Variants in ST6GALNAC3 observed in about 807,000 individuals in gnomAD.
ST6GALNAC3 encodes alpha-N-acetylgalactosaminide alpha-2,6-sialyltransferase 3.
Under a neutral mutation model 32.7 loss-of-function variants are expected in ST6GALNAC3, and 25 were observed. That is an observed-to-expected ratio of 0.76 (90% confidence interval 0.56 to 1.07). The LOEUF (loss-of-function observed/expected upper bound fraction) is 1.07. Ranked by LOEUF, ST6GALNAC3 falls within the 50% of genes least tolerant of loss-of-function variation. The pLI is 0.00. For missense variants in ST6GALNAC3, 355 were observed against 382.4 expected, an observed-to-expected ratio of 0.93 and a Z score of 0.60; for synonymous variants, 129 against 133.1, an observed-to-expected ratio of 0.97 and a Z score of 0.21.
chr1:76,361,422 C>T (rs1322493168), intron 2 of ST6GALNAC3, among the ~76,000 whole-genome samples: 1 of 152,106 alleles, frequency 6.6e-6, no homozygotes, highest in Non-Finnish European at 1.5e-5. Context: ...CTCCTATTTC[C>T]CATATAATAT....
At chr1:76,143,437 G>A (rs1046228118) in intron 1 of ST6GALNAC3, among the ~76,000 whole-genome samples, 2 of 148,964 alleles carry the variant, frequency 1.3e-5, no homozygotes, top group Admixed American at 1.3e-4. Context: ...GTCTGTGTGT[G>A]CATGTATTTG....
In ST6GALNAC3 at chr1:76,113,391, G is replaced by T. The variant is rs1256616258; in HGVS notation, c.18+38507G>T. Reference sequence around the variant, plus strand: ...GGGAGGCCAAATGGCATTGTTATGGGGTCTTATCTGCAAACGCAGAACTCC... The same window carrying T: ...GGGAGGCCAAATGGCATTGTTATGGTGTCTTATCTGCAAACGCAGAACTCC... On this transcript the variant is annotated intron_variant, in intron 1 of 4. Transcript: ENST00000328299. 7.9e-5 allele frequency among the ~76,000 whole-genome samples: 12 copies of T among 151,540 alleles called. No homozygotes were observed. In the East Asian group the frequency reaches 2.3e-3, roughly 30 times the overall value.
intron 1 of ST6GALNAC3, among the ~76,000 whole-genome samples, chr1:76,264,366 A>G (rs1302186952): frequency 2.0e-5 from 3 of 152,144 alleles, no homozygotes; most frequent in Non-Finnish European, 1.5e-5. Flanking sequence ...AGGTGTTATT[A>G]GTTTAAACCT....
At chr1:76,452,619 G>A (rs1189311489) in intron 3 of ST6GALNAC3, among the ~76,000 whole-genome samples, 1 of 152,158 alleles carries the variant, frequency 6.6e-6, no homozygotes, top group African/African-American at 2.4e-5. Flanking sequence ...TGCATCCCTG[G>A]TATGGAACCC....
At chr1:76,392,706 C>T (rs937952727) in intron 2 of ST6GALNAC3, among the ~76,000 whole-genome samples, 4 of 152,160 alleles carry the variant, frequency 2.6e-5, no homozygotes, top group African/African-American at 9.7e-5. Context: ...GTGGCAATGT[C>T]ATCCAATTCA....
At chr1:76,423,259 T>C (rs191075212) in intron 3 of ST6GALNAC3, among the ~76,000 whole-genome samples, 1 of 152,108 alleles carries the variant, frequency 6.6e-6, no homozygotes, top group Admixed American at 6.6e-5. Context: ...CTAGGAAGTA[T>C]ATCTACAAAC....
At chr1:76,367,293 C>G (rs1297313914) in intron 2 of ST6GALNAC3, among the ~76,000 whole-genome samples, 1 of 151,910 alleles carries the variant, frequency 6.6e-6, no homozygotes, top group Non-Finnish European at 1.5e-5. Context: ...CAGGCATGGA[C>G]CTATAATGGT....
rs1431727778 is a variant in ST6GALNAC3, at chr1:76,416,622, G to GTTTTTT, written c.623+4209_623+4210insTTTTTT. 5.0e-5 allele frequency among the ~76,000 whole-genome samples: 5 copies of GTTTTTT among 99,870 alleles called. 1 individual carries two copies. The highest frequency in any genetic ancestry group is 1.8e-4 in the African/African-American group (5 of 27,764). The allele number at this position is 99,870 out of a possible 152,430, so 65.5% of individuals were successfully genotyped here. On this transcript the variant is annotated intron_variant, in intron 3 of 4. Transcript: ENST00000328299. ...CTTTTCACTTTTCCAAGTATTGTGGGTTTTGTTTTTTTTTTTTTTTTTTGA... is the reference window on the plus strand; with the variant it reads ...CTTTTCACTTTTCCAAGTATTGTGGGTTTTTTTTTTGTTTTTTTTTTTTTTTTTTGA...
chr1:76,550,115 T>C (rs1664535194), intron 3 of ST6GALNAC3, among the ~76,000 whole-genome samples: 1 of 152,256 alleles, frequency 6.6e-6, no homozygotes, highest in Non-Finnish European at 1.5e-5. Context: ...TCCACACTGT[T>C]GCTAGGCTTT....
chr1:76,502,275 A>C (rs1003376385), intron 3 of ST6GALNAC3, among the ~76,000 whole-genome samples: 1 of 152,222 alleles, frequency 6.6e-6, no homozygotes, highest in Non-Finnish European at 1.5e-5. Flanking sequence ...AGCAGCCAAC[A>C]ACTTCTGCCA....
chr1:76,435,448 T>C (rs1384068004), intron 3 of ST6GALNAC3, among the ~76,000 whole-genome samples: 1 of 152,194 alleles, frequency 6.6e-6, no homozygotes, highest in African/African-American at 2.4e-5. Flanking sequence ...ATATTCTTTT[T>C]CATTTGCTAG....
At chr1:76,250,029 G>A (rs1657522538) in intron 1 of ST6GALNAC3, among the ~76,000 whole-genome samples, 1 of 152,038 alleles carries the variant, frequency 6.6e-6, no homozygotes, top group Non-Finnish European at 1.5e-5. Flanking sequence ...TGATTTGCAA[G>A]CATTTTCTTC....
chr1:76,523,272 T>C (rs937421023), intron 3 of ST6GALNAC3, among the ~76,000 whole-genome samples: 1 of 152,196 alleles, frequency 6.6e-6, no homozygotes, highest in African/African-American at 2.4e-5. Flanking sequence ...TCTATTTTTC[T>C]TATTCATGTT....
chr1:76,143,006 G>T (rs12064337), intron 1 of ST6GALNAC3: 75,957 of 338,768 alleles, frequency 0.22, 9,479 homozygotes, highest in African/African-American at 0.33. Flanking sequence ...GCAAAGGAGG[G>T]ATTACTTTCT....
intron 3 of ST6GALNAC3, among the ~76,000 whole-genome samples, chr1:76,579,740 C>A (rs530893303): frequency 6.6e-6 from 1 of 152,054 alleles, no homozygotes; most frequent in East Asian, 1.9e-4. Flanking sequence ...TTAATATGTT[C>A]TTTGGTCTCT....
chr1:76,631,936 A>G lies in ST6GALNAC3; in HGVS notation c.*3130A>G, dbSNP rs1258416004. On this transcript the variant is annotated 3_prime_UTR_variant, in exon 5 of 5. Coordinates refer to ENST00000328299, the MANE Select transcript of ST6GALNAC3 (RefSeq NM_152996.4). ...AATGATTTACATTGTTATGATGATAATGTGAATAAGAAACCTTTTAGAGTA... is the reference window on the plus strand; with the variant it reads ...AATGATTTACATTGTTATGATGATAGTGTGAATAAGAAACCTTTTAGAGTA... The G allele has an allele frequency of 6.6e-6, 1 of 152,098 alleles. No individual in the cohort carries two copies. The highest frequency in any genetic ancestry group is 1.9e-4 in the East Asian group (1 of 5,192). 9.4% of individuals were successfully genotyped at this position (152,098 alleles called of 1,614,324 possible).
chr1:76,332,166 G>A (rs1318512505), intron 2 of ST6GALNAC3, among the ~76,000 whole-genome samples: 6 of 152,132 alleles, frequency 3.9e-5, no homozygotes, highest in Admixed American at 1.3e-4. Flanking sequence ...TAATGACAGT[G>A]GCAGTCCCCC....
At chr1:76,109,877 CCTT>C (rs1647803863) in intron 1 of ST6GALNAC3, among the ~76,000 whole-genome samples, 1 of 152,156 alleles carries the variant, frequency 6.6e-6, no homozygotes, top group African/African-American at 2.4e-5. Flanking sequence ...TTAGGTTTGC[CCTT>C]CTATTGTTTC....
chr1:76,233,221 G>T (rs1656469001), intron 1 of ST6GALNAC3, among the ~76,000 whole-genome samples: 1 of 152,070 alleles, frequency 6.6e-6, no homozygotes, highest in African/African-American at 2.4e-5. Flanking sequence ...GGCCAGTTTA[G>T]TTAGATTTGG....
Sources: gnomAD v4.1 joint callset for allele counts (sites outside exome capture counted in the v4.1 genomes callset) on GRCh38, gnomAD v4.1.1 for gene constraint, MANE v1.5 for transcripts, NCBI Gene and HGNC (gene_info 2026-07-23, HGNC 2026-07-21) for gene names.